The following CAD variants were observed in gnomAD, a reference collection of about 807,000 sequenced individuals.
CAD encodes the protein multifunctional protein CAD.
A neutral mutation model predicts 237.2 loss-of-function variants in CAD; 81 were observed. The ratio of observed to expected loss-of-function variants is 0.34; its 90% CI spans 0.29 to 0.41. The LOEUF (loss-of-function observed/expected upper bound fraction) is 0.41. Ranked by LOEUF, CAD falls within the 10% of genes least tolerant of loss-of-function variation. CAD has a pLI of 1.00. For synonymous variants in CAD, 1,196 were observed against 1,162.8 expected, an observed-to-expected ratio of 1.03 and a Z score of -0.58; for missense variants, 2,181 against 2,951.7, an observed-to-expected ratio of 0.74 and a Z score of 6.05.
rs528288174 is a variant in CAD, at chr2:27,242,252, G to T, written c.6097-50G>T. ...GGACCCCAGAAGAGGGGGACTGGCA[G>T]TTGGGGGGCCTCTGAGCTGCAAAAG... On this transcript the variant is annotated intron_variant, in intron 39 of 43. Coordinates refer to ENST00000264705, the MANE Select transcript of CAD (RefSeq NM_004341.5). This position sits in a 1 kb window ranked among gnomAD's most constrained non-coding sequence, Gnocchi z 6.4. 15 of 1,586,194 alleles carry T rather than the reference G, an allele frequency of 9.5e-6. No individual in the cohort carries two copies. The highest frequency in any genetic ancestry group is 1.2e-5 in the Non-Finnish European group (14 of 1,162,890).
intron 5 of CAD, 23 bp downstream of exon 5, chr2:27,222,683 G>T (rs780551822): frequency 6.2e-7 from 1 of 1,606,092 alleles, no homozygotes; most frequent in Non-Finnish European, 8.5e-7. Context: ...GGCCTGTTCA[G>T]GGCCTCAGAC....
Position 27,226,273 on chromosome 2 carries a change from TTGGGGAG to T in CAD, c.1988_1994del (p.Gly663AlafsTer7). 1 of 1,614,200 alleles carries T rather than the reference TTGGGGAG, an allele frequency of 6.2e-7. No individual in the cohort carries two copies. The highest frequency in any genetic ancestry group is 8.5e-7 in the Non-Finnish European group (1 of 1,180,022). ...AAGGTGACCCAGCACCTGGGAATTG[TTGGGGAG>T]TGCAATGTGCAGTATGCCTTGAACC... On this transcript the variant is annotated frameshift_variant, in exon 13 of 44. Transcript: ENST00000264705. LOFTEE classifies it high-confidence loss of function.
In CAD at chr2:27,223,866, A is replaced by G. The variant is rs1377211860; in HGVS notation, c.996-51A>G. On this transcript the variant is annotated intron_variant, in intron 7 of 43. Transcript: ENST00000264705. ...TCCCACTACCCACCTCGAGGCTGCC[A>G]GTGTCATGCCAGGGACCATGATGGT... The G allele has an allele frequency of 2.6e-6, 4 of 1,550,530 alleles. No individual in the cohort carries two copies. The East Asian group carries it at 9.0e-5, about 35-fold the overall frequency.
Position 27,220,386 on chromosome 2 carries a change from G to A in CAD, c.223-832G>A, listed in dbSNP as rs146218553. ...AAAGAGGCGGGGCGCGGTAGCTCAT[G>A]ACTTGTAATCCCAGCACTTTGGAAG... On this transcript the variant is annotated intron_variant, in intron 2 of 43. Coordinates refer to ENST00000264705, the MANE Select transcript of CAD (RefSeq NM_004341.5). Among the ~76,000 whole-genome samples the A allele has an allele frequency of 4.6e-5, 7 of 152,226 alleles. No homozygotes were observed. In the East Asian group the frequency reaches 1.4e-3, roughly 29 times the overall value.
At chr2:27,227,055 A>T (rs140138928) in intron 15 of CAD, 93 bp downstream of exon 15, 1 of 1,093,410 alleles carries the variant, frequency 9.1e-7, no homozygotes, top group East Asian at 2.4e-5. Flanking sequence ...TTTACGTCCT[A>T]TGGGAGCAGG....
rs1188817725 is a variant in CAD at position 27,217,372 on chromosome 2, C to G, written c.-180C>G. 4 of 601,332 alleles carry G rather than the reference C, an allele frequency of 6.7e-6. No individual in the cohort carries two copies. In the South Asian group the frequency reaches 7.9e-5, roughly 12 times the overall value. 37.2% of individuals were successfully genotyped at this position (601,332 alleles called of 1,614,324 possible). A position where few individuals can be genotyped will look rare whatever the true frequency, so the allele number is the denominator to read the frequency against. ...CCGCCTGTGTCCGCGCCGCCGCAGTCTCTGCTGCTGCCGCCAAGCGCGCCC... is the reference window on the plus strand; with the variant it reads ...CCGCCTGTGTCCGCGCCGCCGCAGTGTCTGCTGCTGCCGCCAAGCGCGCCC... On this transcript the variant is annotated 5_prime_UTR_variant, in exon 1 of 44. Transcript: ENST00000264705.
chr2:27,221,083 C>G (rs1675142507), intron 2 of CAD, 135 bp from the exon 3 acceptor site: 2 of 582,300 alleles, frequency 3.4e-6, no homozygotes, highest in Admixed American at 3.8e-5. Flanking sequence ...AATACCTATG[C>G]AAAAGCACCA....
rs998353257 is a variant in CAD at position 27,241,062 on chromosome 2, G to T, written c.5643G>T (p.Leu1881=). Residue 1881 remains leucine (L), a synonymous_variant, in exon 37 of 44, where the codon CTG becomes CTT. Transcript: ENST00000264705. This position sits in a 1 kb window ranked among gnomAD's most constrained non-coding sequence, Gnocchi z 4.6. ...CTGCCCCATCCCTCACTGCAGAGCTGATGGGAACCCCTGATGGCACCTGCT... is the reference window on the plus strand; with the variant it reads ...CTGCCCCATCCCTCACTGCAGAGCTTATGGGAACCCCTGATGGCACCTGCT... ...KSSRKVAEPE[L]MGTPDGTCYP... The T allele has an allele frequency of 2.5e-6, 4 of 1,611,020 alleles. No individual in the cohort carries two copies. The highest frequency in any genetic ancestry group is 3.4e-6 in the Non-Finnish European group (4 of 1,178,408).
At position 27,237,734 on chromosome 2, in the gene CAD, C is replaced by G; in HGVS notation, c.4580C>G (p.Ala1527Gly). 1 of 1,613,506 alleles carries G rather than the reference C, an allele frequency of 6.2e-7. No individual in the cohort carries two copies. Among genetic ancestry groups the G allele is most frequent in the South Asian group, 1.1e-5 (1 of 90,932 alleles). The change falls in exon 29 of 44, where the codon GCC becomes GGC. Residue 1527 changes from alanine to glycine, a missense_variant. Ala to Gly is a moderately conservative substitution (Grantham distance 60, BLOSUM62 0). Transcript: ENST00000264705. The surrounding 1 kb of genome is among the most constrained non-coding windows in gnomAD (Gnocchi z 4.0). ...ALAQKLAEAG[A>G]RCDFALFLGA... ...CCTCTCCAGCTGGCAGAGGCTGGCG[C>G]CCGGTGCGACTTTGCGCTATTCCTT...
rs754843679 is a variant in CAD, at chr2:27,236,257, G to A, written c.4075-27G>A. 7 of 1,610,544 alleles carry A rather than the reference G, an allele frequency of 4.3e-6. No individual in the cohort carries two copies. The African/African-American group carries it at 9.3e-5, about 22-fold the overall frequency. On this transcript the variant is annotated intron_variant, in intron 25 of 43. Transcript: ENST00000264705. The surrounding 1 kb of genome is among the most constrained non-coding windows in gnomAD (Gnocchi z 4.1). ...TTCCTGACCGCTGCCAGACAGCTTGGCCCTGACCTTGACTCCGGGTTGGCA... is the reference window on the plus strand; with the variant it reads ...TTCCTGACCGCTGCCAGACAGCTTGACCCTGACCTTGACTCCGGGTTGGCA...
At position 27,242,567 on chromosome 2, in the gene CAD, T is replaced by C. The variant is rs1572455292; in HGVS notation, c.6223-53T>C. On this transcript the variant is annotated intron_variant, in intron 40 of 43. Coordinates refer to ENST00000264705, the MANE Select transcript of CAD (RefSeq NM_004341.5). The surrounding 1 kb of genome is among the most constrained non-coding windows in gnomAD (Gnocchi z 6.4). Reference sequence around the variant, plus strand: ...GAGGCTTTTAAAAGCTTGGAAATGATGTCGGGGGGCACTCAGTCTGGGATC... The same window carrying C: ...GAGGCTTTTAAAAGCTTGGAAATGACGTCGGGGGGCACTCAGTCTGGGATC... The C allele has an allele frequency of 1.3e-6, 2 of 1,560,510 alleles. No individual in the cohort carries two copies. Among genetic ancestry groups the C allele is most frequent in the Non-Finnish European group, 8.7e-7 (1 of 1,148,394 alleles).
chr2:27,218,988 T>C (rs1262749592), intron 2 of CAD, among the ~76,000 whole-genome samples: 2 of 152,232 alleles, frequency 1.3e-5, no homozygotes, highest in Non-Finnish European at 2.9e-5. Flanking sequence ...ATACACTGCA[T>C]TCTAGTTGAT....
intron 3 of CAD, among the ~76,000 whole-genome samples, chr2:27,221,808 G>A (rs150896627): frequency 0.012 from 1,477 of 121,388 alleles, 14 homozygotes; most frequent in Non-Finnish European, 0.018. Context: ...GCTCTAAACA[G>A]GGTTCACACA....
Position 27,223,766 on chromosome 2 carries a change from G to T in CAD, c.995+18G>T. 6.2e-7 allele frequency: 1 copy of T among 1,612,302 alleles called. No homozygotes were observed. Among genetic ancestry groups the T allele is most frequent in the South Asian group, 1.1e-5 (1 of 91,050 alleles). On this transcript the variant is annotated intron_variant, in intron 7 of 43. Transcript: ENST00000264705. ...TTCTTCAGGTGAGCCTGGTTGACTG[G>T]GTCTGTGAAAATTTGAAGCCCTGTG...
chr2:27,233,730 G>A lies in CAD; in HGVS notation c.3321G>A (p.Leu1107=), dbSNP rs1675874078. The part of the protein sequence containing the change: ...AMNVAYTDGD[L]ERFLSSAAAV... ...ATGTGGCCTACACGGATGGAGACCT[G>A]GAGCGCTTCCTGAGCAGCGCAGCAG... Residue 1107 remains leucine, a synonymous_variant, in exon 21 of 44, where the codon CTG becomes CTA. Transcript: ENST00000264705. This position sits in a 1 kb window ranked among gnomAD's most constrained non-coding sequence, Gnocchi z 6.3. The A allele has an allele frequency of 1.9e-6, 3 of 1,614,140 alleles. No homozygotes were observed. The highest frequency in any genetic ancestry group is 1.7e-6 in the Non-Finnish European group (2 of 1,180,040).
rs1676298226 is a variant in CAD, at chr2:27,241,176, C to T, written c.5757C>T (p.His1919=). Reference sequence around the variant, plus strand: ...ACCCCCAGACCTCACCCCTGCTGCACTCATTAGTGGGCCAACATATCCTGT... The same window carrying T: ...ACCCCCAGACCTCACCCCTGCTGCATTCATTAGTGGGCCAACATATCCTGT... The part of the protein sequence containing the change: ...LLHPQTSPLL[H]SLVGQHILSV... The change falls in exon 37 of 44, where the codon CAC becomes CAT. Residue 1919 remains histidine, a synonymous_variant. Transcript: ENST00000264705. This position sits in a 1 kb window ranked among gnomAD's most constrained non-coding sequence, Gnocchi z 4.6. 1.2e-6 allele frequency: 2 copies of T among 1,613,086 alleles called. No homozygotes were observed. Among genetic ancestry groups the T allele is most frequent in the African/African-American group, 1.3e-5 (1 of 74,980 alleles).
Position 27,222,676 on chromosome 2 carries a change from CT to C in CAD, c.637+17del, listed in dbSNP as rs1675233332. On this transcript the variant is annotated intron_variant, in intron 5 of 43. Coordinates refer to ENST00000264705, the MANE Select transcript of CAD (RefSeq NM_004341.5). ...GACAGCCAAGGTGAGTAGCTGGGGC[CT>C]GTTCAGGGCCTCAGACAAGCAGCTT... 1 of 1,606,790 alleles carries C rather than the reference CT, an allele frequency of 6.2e-7. No homozygotes were observed. Among genetic ancestry groups the C allele is most frequent in the African/African-American group, 1.3e-5 (1 of 74,866 alleles).
chr2:27,236,854 C>A lies in CAD; in HGVS notation c.4396+24C>A. 1 of 1,600,192 alleles carries A rather than the reference C, an allele frequency of 6.2e-7. No individual in the cohort carries two copies. The highest frequency in any genetic ancestry group is 8.6e-7 in the Non-Finnish European group (1 of 1,167,392). Reference sequence around the variant, plus strand: ...GGGTAAGTCTTTGGGGAGAACTTGGCTTCTGAACACTGGCAGCCCCTGGCA... The same window carrying A: ...GGGTAAGTCTTTGGGGAGAACTTGGATTCTGAACACTGGCAGCCCCTGGCA... On this transcript the variant is annotated intron_variant, in intron 27 of 43. Coordinates refer to ENST00000264705, the MANE Select transcript of CAD (RefSeq NM_004341.5). The surrounding 1 kb of genome is among the most constrained non-coding windows in gnomAD (Gnocchi z 4.1).
Position 27,233,938 on chromosome 2 carries a change from A to C in CAD, c.3400-70A>C, listed in dbSNP as rs2148079089. On this transcript the variant is annotated intron_variant, in intron 21 of 43. Transcript: ENST00000264705. The surrounding 1 kb of genome is among the most constrained non-coding windows in gnomAD (Gnocchi z 6.3). ...TGGGCTATGTGGGGCTCGTTAAAGGAAGAGACAATCCTAGAGTAAGTGAGA... is the reference window on the plus strand; with the variant it reads ...TGGGCTATGTGGGGCTCGTTAAAGGCAGAGACAATCCTAGAGTAAGTGAGA... 6.4e-7 allele frequency: 1 copy of C among 1,554,188 alleles called. No homozygotes were observed. Among genetic ancestry groups the C allele is most frequent in the African/African-American group, 1.4e-5 (1 of 73,672 alleles).
Sources: gnomAD v4.1 joint callset for allele counts (sites outside exome capture counted in the v4.1 genomes callset) on GRCh38, gnomAD v4.1.1 for gene constraint, Gnocchi (gnomAD v3.1) non-coding constraint, MANE v1.5 for transcripts, NCBI Gene and HGNC (gene_info 2026-07-23, HGNC 2026-07-21) for gene names.